Variants in DIAPH2 observed in about 807,000 individuals in gnomAD.
DIAPH2 encodes diaphanous related formin 2, also known as protein diaphanous homolog 2.
DIAPH2 carries 35 observed loss-of-function variants against 92.7 expected under a neutral mutation model. That is an observed-to-expected ratio of 0.38 (90% confidence interval 0.29 to 0.50). DIAPH2 has a LOEUF of 0.50. Ranked by LOEUF, DIAPH2 falls within the 20% of genes least tolerant of loss-of-function variation. The pLI, the probability that DIAPH2 is intolerant of heterozygous loss-of-function variation, is 0.94. For synonymous variants in DIAPH2, 301 were observed against 280.4 expected (o/e 1.07, Z -0.73); for missense variants, 701 against 819.5 (o/e 0.86, Z 1.77).
At chrX:97,081,097 G>A (rs980451813) in intron 19 of DIAPH2, among the ~76,000 whole-genome samples, 1 of 111,704 alleles carries the variant, frequency 9.0e-6, no homozygotes, top group Non-Finnish European at 1.9e-5. Context: ...TAATTCTTTA[G>A]GGAAAATGAA....
rs899452875 is a variant in DIAPH2 at position 97,359,873 on chromosome X, GC to G, written c.3009+11595del. 1.5e-4 allele frequency among the ~76,000 whole-genome samples: 17 copies of G among 111,278 alleles called. No homozygotes were observed. The Admixed American group carries it at 1.5e-3, about 10-fold the overall frequency. ...ATACAGGCGTGAGCCACTGCGCCCGGCCATGTTATAATCTTAATAATGAGGC... is the reference window on the plus strand; with the variant it reads ...ATACAGGCGTGAGCCACTGCGCCCGGCATGTTATAATCTTAATAATGAGGC... On this transcript the variant is annotated intron_variant, in intron 24 of 26. Coordinates refer to ENST00000324765, the MANE Select transcript of DIAPH2 (RefSeq NM_006729.5).
chrX:97,432,833 G>A (rs1185969612), intron 26 of DIAPH2, among the ~76,000 whole-genome samples: 1 of 111,492 alleles, frequency 9.0e-6, no homozygotes, highest in Non-Finnish European at 1.9e-5. Context: ...CTATTGCCCA[G>A]GCTGGTCTCG....
At chrX:97,113,907 G>T (rs2067000041) in intron 20 of DIAPH2, among the ~76,000 whole-genome samples, 1 of 111,339 alleles carries the variant, frequency 9.0e-6, no homozygotes, top group South Asian at 3.8e-4. Context: ...CTCCCTCCCA[G>T]AATTCATTTT....
chrX:96,843,887 T>C (rs375753187), intron 4 of DIAPH2, among the ~76,000 whole-genome samples: 1 of 111,843 alleles, frequency 8.9e-6, no homozygotes, highest in East Asian at 2.8e-4. Context: ...CTTTTAGTAA[T>C]TAGCATATCA....
intron 23 of DIAPH2, among the ~76,000 whole-genome samples, chrX:97,302,914 G>T (rs1216714923): frequency 8.9e-6 from 1 of 111,822 alleles, no homozygotes; most frequent in Non-Finnish European, 1.9e-5. Context: ...AACCCAGGAG[G>T]CGGAGGTTGC....
chrX:97,464,692 C>A (rs2070494108), intron 26 of DIAPH2, among the ~76,000 whole-genome samples: 1 of 111,632 alleles, frequency 9.0e-6, no homozygotes, highest in Admixed American at 9.5e-5. Context: ...AGAGCAGATT[C>A]TCTGAGAAGG....
At chrX:96,899,827 C>T (rs1355448520) in intron 5 of DIAPH2, among the ~76,000 whole-genome samples, 1 of 110,149 alleles carries the variant, frequency 9.1e-6, no homozygotes, top group African/African-American at 3.3e-5. Context: ...GGAATGCTTC[C>T]AGTTTTTGCC....
At chrX:97,511,105 T>C (rs939824926) in intron 26 of DIAPH2, among the ~76,000 whole-genome samples, 4 of 100,558 alleles carry the variant, frequency 4.0e-5, no homozygotes, top group Non-Finnish European at 6.1e-5. Context: ...TTGGGAAGTA[T>C]GGCCATTTTC....
In DIAPH2 at chrX:96,889,173, G is replaced by A. The variant is rs768404837; in HGVS notation, c.587+7455G>A. ...GTAGAGAACTTAGTTGAATAACTTG[G>A]GAGTTTTTTTATGATATCGTAATAC... On this transcript the variant is annotated intron_variant, in intron 5 of 26. Transcript: ENST00000324765. Among the ~76,000 whole-genome samples, 8 of 111,453 alleles carry A rather than the reference G, an allele frequency of 7.2e-5. No homozygotes were observed. In the South Asian group the frequency reaches 3.0e-3, roughly 42 times the overall value.
At chrX:96,950,501 A>G (rs1293457374) in intron 15 of DIAPH2, among the ~76,000 whole-genome samples, 1 of 111,547 alleles carries the variant, frequency 9.0e-6, no homozygotes, top group Non-Finnish European at 1.9e-5. Context: ...CCACTGACAA[A>G]TTAAGCTAGT....
At chrX:96,692,854 T>TA (rs1484752735) in intron 1 of DIAPH2, among the ~76,000 whole-genome samples, 1 of 112,569 alleles carries the variant, frequency 8.9e-6, no homozygotes, top group Non-Finnish European at 1.9e-5. Context: ...AAGTTTATGT[T>TA]ACTGGCTCTA....
chrX:96,826,314 G>A (rs764430736), intron 4 of DIAPH2, among the ~76,000 whole-genome samples: 1 of 110,267 alleles, frequency 9.1e-6, no homozygotes, highest in Admixed American at 9.7e-5. Context: ...CTACTTGGGA[G>A]GCTGAGGCAG....
Position 97,398,675 on chromosome X carries a change from A to G in DIAPH2, c.3145+14631A>G, listed in dbSNP as rs138751694. Among the ~76,000 whole-genome samples the G allele has an allele frequency of 8.2e-3, 904 of 110,601 alleles. 16 individuals are homozygous for G. Among genetic ancestry groups the G allele is most frequent in the African/African-American group, 0.028 (856 of 30,381 alleles). ...AGCTCTTTTAAAACCACAGATAAGT[A>G]TAATCTTAGGAAAAGAGATCATGTG... On this transcript the variant is annotated intron_variant, in intron 25 of 26. Coordinates refer to ENST00000324765, the MANE Select transcript of DIAPH2 (RefSeq NM_006729.5).
intron 17 of DIAPH2, among the ~76,000 whole-genome samples, chrX:97,008,467 A>G (rs747261377): frequency 1.8e-5 from 2 of 111,314 alleles, no homozygotes; most frequent in East Asian, 5.7e-4. Context: ...AATGGTCTTG[A>G]TTCTTATGGA....
chrX:96,895,855 A>C (rs945553997), intron 5 of DIAPH2, among the ~76,000 whole-genome samples: 5 of 111,987 alleles, frequency 4.5e-5, no homozygotes, highest in African/African-American at 1.6e-4. Flanking sequence ...GCAACCCCAA[A>C]ATGGCTGACC....
At chrX:97,149,756 T>C (rs1299600855) in intron 22 of DIAPH2, among the ~76,000 whole-genome samples, 2 of 49,902 alleles carry the variant, frequency 4.0e-5, no homozygotes, top group Non-Finnish European at 9.0e-5. Context: ...AAAAAGGACT[T>C]CAAGTAACTT....
intron 26 of DIAPH2, among the ~76,000 whole-genome samples, chrX:97,501,470 A>G (rs1277222016): frequency 2.7e-5 from 3 of 112,386 alleles, no homozygotes; most frequent in African/African-American, 3.2e-5. Flanking sequence ...ACAAACATAT[A>G]CTGACATTAT....
chrX:97,309,004 G>A (rs1018227654), intron 23 of DIAPH2, among the ~76,000 whole-genome samples: 2 of 108,182 alleles, frequency 1.8e-5, no homozygotes, highest in Admixed American at 2.0e-4. Context: ...GGGAACAAGA[G>A]TGAAACTCCG....
intron 26 of DIAPH2, among the ~76,000 whole-genome samples, chrX:97,437,942 T>TTTA (rs1336547071): frequency 9.3e-6 from 1 of 107,027 alleles, no homozygotes; most frequent in Non-Finnish European, 1.9e-5. Context: ...AAGAGGTAAA[T>TTTA]AGAGAAATCA....
Sources: gnomAD v4.1 joint callset for allele counts (sites outside exome capture counted in the v4.1 genomes callset) on GRCh38, gnomAD v4.1.1 for gene constraint, MANE v1.5 for transcripts, NCBI Gene and HGNC (gene_info 2026-07-23, HGNC 2026-07-21) for gene names.